Variants in SEC31A observed in about 807,000 individuals in gnomAD.
SEC31A encodes the protein SEC31 homolog A, COPII component, also known as protein transport protein Sec31A.
In SEC31A, 70 loss-of-function variants were observed where a neutral mutation model predicts 151.0. That is an observed-to-expected ratio of 0.46 (90% CI 0.38 to 0.57). The LOEUF is 0.57. Among genes scored for constraint, SEC31A ranks in the 20% least tolerant of loss-of-function variants. SEC31A has a pLI of 0.00. For synonymous variants in SEC31A, 475 were observed against 505.9 expected, an observed-to-expected ratio of 0.94 and a Z score of 0.82; for missense variants, 1,330 against 1,471.2, an observed-to-expected ratio of 0.90 and a Z score of 1.57.
rs1304498641 is a variant in SEC31A, at chr4:82,821,353, C to T, written c.3412-245G>A. 10 of 363,762 alleles carry T rather than the reference C, an allele frequency of 2.7e-5. No individual in the cohort carries two copies. In the East Asian group the frequency reaches 6.1e-4, roughly 22 times the overall value. 22.5% of individuals were successfully genotyped at this position (363,762 alleles called of 1,614,324 possible). On this transcript the variant is annotated intron_variant, in intron 25 of 26. Coordinates refer to ENST00000395310, the MANE Select transcript of SEC31A (RefSeq NM_001077207.4). ...CATGAGGTCAGGAGTTTGAGACCAG[C>T]CTGGTCAACATGGTGAAACCCTGTC...
At chr4:82,883,553 G>C (rs1739864669) in intron 1 of SEC31A, among the ~76,000 whole-genome samples, 1 of 152,138 alleles carries the variant, frequency 6.6e-6, no homozygotes, top group Non-Finnish European at 1.5e-5. Flanking sequence ...TGAAAGGCCA[G>C]GTGCAGTGGC....
intron 11 of SEC31A, among the ~76,000 whole-genome samples, chr4:82,863,886 C>T (rs1014080604): frequency 6.6e-6 from 1 of 152,082 alleles, no homozygotes; most frequent in East Asian, 1.9e-4. Context: ...AACAGACATT[C>T]CAGTGGAGGC....
At chr4:82,872,518 C>A (rs10021962) in intron 6 of SEC31A, among the ~76,000 whole-genome samples, 112,724 of 151,980 alleles carry the variant, frequency 0.74, 42,174 homozygotes, top group Admixed American at 0.79. Flanking sequence ...AAAACAAAAA[C>A]AAATGTAAAA....
In SEC31A at chr4:82,841,442, T is replaced by TTATATATATATA. The variant is rs58373170; in HGVS notation, c.2968+686_2968+697dup. On this transcript the variant is annotated intron_variant, in intron 22 of 26. Transcript: ENST00000395310. ...CATCTCAAAAAAGAAAAAAAAAATT[T>TTATATATATATA]TATATATATATATATATATATATAT... Among the ~76,000 whole-genome samples the TTATATATATATA allele has an allele frequency of 9.7e-3, 626 of 64,332 alleles. 33 individuals carry two copies. Among genetic ancestry groups the TTATATATATATA allele is most frequent in the Admixed American group, 0.014 (56 of 3,890 alleles). The allele number at this position is 64,332 out of a possible 152,430, so 42.2% of individuals were successfully genotyped here. A position where few individuals can be genotyped will look rare whatever the true frequency, so the allele number is the denominator to read the frequency against.
Position 82,857,045 on chromosome 4 carries a change from G to C in SEC31A, c.1788C>G (p.Ala596=), listed in dbSNP as rs766342160. ...CTGCTATGGCCAATATAATGGCATC[G>C]GCCATGCGGTTATCATGTAAACAAA... ...VDLCLHDNRM[A]DAIILAIAGG... The change falls in exon 16 of 27, where the codon GCC becomes GCG. Residue 596 remains alanine, a synonymous_variant. Coordinates refer to ENST00000395310, the MANE Select transcript of SEC31A (RefSeq NM_001077207.4). 17 of 1,613,792 alleles carry C rather than the reference G, an allele frequency of 1.1e-5. No homozygotes were observed. Among genetic ancestry groups the C allele is most frequent in the Non-Finnish European group, 1.4e-5 (16 of 1,179,962 alleles).
chr4:82,853,757 A>T, intron 17 of SEC31A, 42 bp from the exon 18 acceptor site: 1 of 1,521,116 alleles, frequency 6.6e-7, no homozygotes, highest in Non-Finnish European at 9.0e-7. Flanking sequence ...TACCCAAGGC[A>T]ATCTGTATAT....
At chr4:82,846,981 C>T (rs773271360) in intron 20 of SEC31A, among the ~76,000 whole-genome samples, 15 of 152,212 alleles carry the variant, frequency 9.9e-5, no homozygotes, top group Non-Finnish European at 1.6e-4. Context: ...TCCTAACGTA[C>T]AGGGATTACA....
In SEC31A at chr4:82,819,092, G is replaced by T; in HGVS notation, c.3645C>A (p.Ala1215=). Residue 1215 remains alanine (A), a synonymous_variant, in exon 27 of 27, where the codon GCC becomes GCA. Transcript: ENST00000395310. The part of the protein sequence containing the change: ...MPVLKVVLTQ[A]NKLGV ...TGTCCTTTTAGACACCCAGCTTATT[G>T]GCCTGGGTGAGAACAACTTTGAGAA... 1 of 1,605,732 alleles carries T rather than the reference G, an allele frequency of 6.2e-7. No homozygotes were observed. Among genetic ancestry groups the T allele is most frequent in the Non-Finnish European group, 8.5e-7 (1 of 1,176,914 alleles).
chr4:82,895,169 A>T (rs751930716), upstream of SEC31A: 1 of 152,250 alleles, frequency 6.6e-6, no homozygotes, highest in Non-Finnish European at 1.5e-5. Context: ...TGAAAAGATT[A>T]TATCATTATT....
At chr4:82,885,055 T>C (rs981345881) in intron 1 of SEC31A, among the ~76,000 whole-genome samples, 1 of 152,226 alleles carries the variant, frequency 6.6e-6, no homozygotes, top group African/African-American at 2.4e-5. Flanking sequence ...TTTAGCTTTA[T>C]GAATATCCTT....
At chr4:82,887,467 C>G (rs571668610) in intron 1 of SEC31A, among the ~76,000 whole-genome samples, 1 of 152,312 alleles carries the variant, frequency 6.6e-6, no homozygotes, top group South Asian at 2.1e-4. Context: ...ATCTCCAAGA[C>G]AGTATCTATA....
At chr4:82,845,142 TATA>T in intron 20 of SEC31A, 2 of 1,136,962 alleles carry the variant, frequency 1.8e-6, no homozygotes, top group Non-Finnish European at 2.5e-6. Flanking sequence ...GTAGAGAACA[TATA>T]ACTGTATATT....
At chr4:82,888,713 A>T (rs1228715906) in intron 1 of SEC31A, among the ~76,000 whole-genome samples, 1 of 143,752 alleles carries the variant, frequency 7.0e-6, no homozygotes, top group African/African-American at 2.7e-5. Flanking sequence ...AAAAAAAAAA[A>T]TTTCTTGAGG....
At chr4:82,895,587 A>G (rs2126004401), upstream of SEC31A, 1 of 152,352 alleles carries the variant, frequency 6.6e-6, no homozygotes, top group African/African-American at 2.4e-5. Context: ...GAAATTTTTA[A>G]TTCAGAGTAC....
At chr4:82,827,286 G>T in intron 24 of SEC31A, 83 bp downstream of exon 24, 1 of 1,391,706 alleles carries the variant, frequency 7.2e-7, no homozygotes, top group East Asian at 2.3e-5. Context: ...TAATAATCAT[G>T]CAATCATAAA....
At chr4:82,892,510 T>C (rs1398642394), upstream of SEC31A, among the ~76,000 whole-genome samples, 1 of 152,254 alleles carries the variant, frequency 6.6e-6, no homozygotes, top group Non-Finnish European at 1.5e-5. Flanking sequence ...TCCAGCATTA[T>C]CACTTTTCTT....
At chr4:82,877,107 T>C (rs572506313) in intron 4 of SEC31A, among the ~76,000 whole-genome samples, 1 of 152,196 alleles carries the variant, frequency 6.6e-6, no homozygotes, top group South Asian at 2.1e-4. Context: ...CTCATGCCTG[T>C]AGTCCCAGCT....
intron 24 of SEC31A, among the ~76,000 whole-genome samples, chr4:82,825,221 G>A (rs1724271254): frequency 6.6e-6 from 1 of 152,194 alleles, no homozygotes; most frequent in Admixed American, 6.5e-5. Context: ...TTTAAGTTAA[G>A]TTTTATTAGT....
chr4:82,833,041 C>A (rs980359602), intron 22 of SEC31A, among the ~76,000 whole-genome samples: 3 of 152,134 alleles, frequency 2.0e-5, no homozygotes, highest in East Asian at 3.8e-4. Context: ...TTGACCCAGC[C>A]ATCCCATTAC....
Sources: allele counts gnomAD v4.1 joint callset (sites outside exome capture counted in the v4.1 genomes callset), GRCh38; gene constraint gnomAD v4.1.1; transcripts MANE v1.5; gene names NCBI Gene and HGNC (gene_info 2026-07-23, HGNC 2026-07-21).